CLNK: variants seen among roughly 807,000 people sequenced by gnomAD.
CLNK encodes the protein cytokine dependent hematopoietic cell linker.
In CLNK, 74 loss-of-function variants were observed where a neutral mutation model predicts 68.6. That is an observed-to-expected ratio of 1.08 (90% CI 0.89 to 1.31). The LOEUF (loss-of-function observed/expected upper bound fraction) is 1.31, where lower values mean the gene tolerates loss of function less well. Ranked by LOEUF, CLNK falls within the 50% of genes most tolerant of loss-of-function variation. The pLI is 0.00. For missense variants in CLNK, 553 were observed against 515.3 expected (o/e 1.07, Z -0.71); for synonymous variants, 198 against 172.2 (o/e 1.15, Z -1.17).
intron 4 of CLNK, among the ~76,000 whole-genome samples, chr4:10,578,552 A>C (rs1371372131): frequency 7.5e-6 from 1 of 134,166 alleles, no homozygotes; most frequent in Non-Finnish European, 1.6e-5. Context: ...AAACTTTCTG[A>C]CTTCTCTTGG....
chr4:10,667,911 C>A lies in CLNK; in HGVS notation c.-42G>T. 1.3e-6 allele frequency: 2 copies of A among 1,550,826 alleles called. No individual in the cohort carries two copies. The highest frequency in any genetic ancestry group is 4.7e-5 in the East Asian group (2 of 42,674). Reference sequence around the variant, plus strand: ...CGGGTAAGAGGGATCTTCAATTCAGCCTGTGGAAACAAAAGCAAACGCGTT... The same window carrying A: ...CGGGTAAGAGGGATCTTCAATTCAGACTGTGGAAACAAAAGCAAACGCGTT... On this transcript the variant is annotated splice_region_variant and 5_prime_UTR_variant, in exon 2 of 19. Transcript: ENST00000226951.
At chr4:10,532,199 G>C (rs1259604764) in intron 12 of CLNK, 57 bp downstream of exon 12, 12 of 1,320,964 alleles carry the variant, frequency 9.1e-6, no homozygotes, top group African/African-American at 5.8e-5. Context: ...GCCTATTGCA[G>C]ACATTTAATG....
At chr4:10,660,265 C>T (rs192290818) in intron 2 of CLNK, among the ~76,000 whole-genome samples, 1 of 152,146 alleles carries the variant, frequency 6.6e-6, no homozygotes, top group East Asian at 1.9e-4. Context: ...TGTTGTTTTC[C>T]TGCAGTGGAA....
intron 17 of CLNK, among the ~76,000 whole-genome samples, chr4:10,503,402 C>T (rs895885855): frequency 1.3e-5 from 2 of 150,840 alleles, no homozygotes; most frequent in Non-Finnish European, 2.9e-5. Context: ...GCGGAGGTTG[C>T]AGTGAGCCGA....
chr4:10,608,914 G>A (rs557779927), intron 2 of CLNK, among the ~76,000 whole-genome samples: 6 of 152,226 alleles, frequency 3.9e-5, no homozygotes, highest in African/African-American at 1.4e-4. Flanking sequence ...GTTTCCCTGT[G>A]GTATCCTCAC....
the CLNK span, among the ~76,000 whole-genome samples, chr4:10,712,202 G>T: frequency 1.3e-5 from 2 of 152,166 alleles, no homozygotes; most frequent in Non-Finnish European, 2.9e-5. Context: ...GTGAGGAGGT[G>T]CCAGTCTGTC....
At chr4:10,596,914 C>T (rs1577155802) in intron 3 of CLNK, among the ~76,000 whole-genome samples, 1 of 152,268 alleles carries the variant, frequency 6.6e-6, no homozygotes, top group South Asian at 2.1e-4. Flanking sequence ...CCTTCTATCT[C>T]CCATCTCTTG....
chr4:10,490,200 T>C lies in CLNK; in HGVS notation c.*267A>G. 3.0e-6 allele frequency: 1 copy of C among 331,702 alleles called. No homozygotes were observed. The highest frequency in any genetic ancestry group is 6.8e-5 in the South Asian group (1 of 14,802). 20.5% of individuals were successfully genotyped at this position (331,702 alleles called of 1,614,324 possible). A position where few individuals can be genotyped will look rare whatever the true frequency, so the allele number is the denominator to read the frequency against. ...TTTTTTGTTGTTGTTTTTTAGAAGATACTTTTAAAACCCTAGTTTTTATTT... is the reference window on the plus strand; with the variant it reads ...TTTTTTGTTGTTGTTTTTTAGAAGACACTTTTAAAACCCTAGTTTTTATTT... On this transcript the variant is annotated 3_prime_UTR_variant, in exon 19 of 19. Transcript: ENST00000226951.
At chr4:10,518,787 G>T (rs1317820385) in intron 15 of CLNK, among the ~76,000 whole-genome samples, 1 of 152,174 alleles carries the variant, frequency 6.6e-6, no homozygotes, top group Non-Finnish European at 1.5e-5. Context: ...TACAACTATG[G>T]AGGTGTAAAT....
chr4:10,579,828 C>T (rs1372165167), intron 4 of CLNK, among the ~76,000 whole-genome samples: 1 of 151,834 alleles, frequency 6.6e-6, no homozygotes, highest in Non-Finnish European at 1.5e-5. Context: ...TGGTGCCTTG[C>T]ATTTGCATAT....
At chr4:10,504,668 T>A (rs1011834139) in intron 17 of CLNK, among the ~76,000 whole-genome samples, 3 of 152,228 alleles carry the variant, frequency 2.0e-5, no homozygotes, top group Non-Finnish European at 2.9e-5. Flanking sequence ...GAAGCCTTAA[T>A]GTTCAAGCAC....
At chr4:10,571,442 C>A (rs1720346659) in intron 5 of CLNK, among the ~76,000 whole-genome samples, 1 of 147,758 alleles carries the variant, frequency 6.8e-6, no homozygotes, top group Non-Finnish European at 1.5e-5. Context: ...TCAAGCGATT[C>A]TCCTGCCTCA....
Position 10,667,744 on chromosome 4 carries a change from C to T in CLNK, c.11+115G>A, listed in dbSNP as rs1724456461. The T allele has an allele frequency of 1.1e-5, 10 of 918,548 alleles. No individual in the cohort carries two copies. In the South Asian group the frequency reaches 2.2e-4, roughly 20 times the overall value. The allele number at this position is 918,548 out of a possible 1,614,324, so 56.9% of individuals were successfully genotyped here. A position where few individuals can be genotyped will look rare whatever the true frequency, so the allele number is the denominator to read the frequency against. On this transcript the variant is annotated intron_variant, in intron 2 of 18. Coordinates refer to ENST00000226951, the MANE Select transcript of CLNK (RefSeq NM_052964.4). ...TCTCAACCATGGCCTCTCAGGAAAT[C>T]CCTTTTCCATGGGCGGCCACATTGG...
chr4:10,637,583 CTTTTTTTT>C (rs1158317670), intron 2 of CLNK, among the ~76,000 whole-genome samples: 1 of 71,436 alleles, frequency 1.4e-5, no homozygotes, highest in Non-Finnish European at 2.4e-5. Flanking sequence ...CACCATTCCT[CTTTTTTTT>C]TTTTTTTTTT....
the CLNK span, among the ~76,000 whole-genome samples, chr4:10,699,153 G>A: frequency 2.9e-5 from 4 of 136,778 alleles, no homozygotes; most frequent in Non-Finnish European, 6.3e-5. Flanking sequence ...CTCCATGATC[G>A]TATGAGCCAA....
At chr4:10,524,599 G>T (rs555500874) in intron 14 of CLNK, among the ~76,000 whole-genome samples, 1 of 152,302 alleles carries the variant, frequency 6.6e-6, no homozygotes, top group African/African-American at 2.4e-5. Context: ...TGCATTTTTA[G>T]ACTCAAGTCC....
chr4:10,551,880 C>T (rs1362162510), intron 8 of CLNK, among the ~76,000 whole-genome samples: 1 of 149,082 alleles, frequency 6.7e-6, no homozygotes, highest in Non-Finnish European at 1.5e-5. Context: ...CTGAGTCTCA[C>T]TCTGTCGTCC....
chr4:10,712,007 C>A, the CLNK span, among the ~76,000 whole-genome samples: 222 of 152,148 alleles, frequency 1.5e-3, no homozygotes, highest in African/African-American at 5.2e-3. Flanking sequence ...AAAGGAAGTG[C>A]GGCATCTGCT....
At chr4:10,670,324 A>T (rs142239500) in intron 1 of CLNK, among the ~76,000 whole-genome samples, 115 of 152,384 alleles carry the variant, frequency 7.5e-4, no homozygotes, top group African/African-American at 2.6e-3. Flanking sequence ...GGACAAATCC[A>T]TCCCCCATCC....
Sources: allele counts gnomAD v4.1 joint callset (sites outside exome capture counted in the v4.1 genomes callset), GRCh38; gene constraint gnomAD v4.1.1; transcripts MANE v1.5; gene names NCBI Gene and HGNC (gene_info 2026-07-23, HGNC 2026-07-21).